The following LRRC74A variants were observed in gnomAD, a reference collection of about 807,000 sequenced individuals.
LRRC74A encodes the protein leucine rich repeat containing 74A.
Under a neutral mutation model 57.9 loss-of-function variants are expected in LRRC74A, and 44 were observed. The observed-to-expected ratio is 0.76, with a 90% CI of 0.60 to 0.98. The LOEUF is 0.98. LRRC74A is among the 50% of genes least tolerant of loss of function. The pLI is 0.00. For synonymous variants in LRRC74A, 211 were observed against 219.4 expected (o/e 0.96, Z 0.34); for missense variants, 572 against 574.0 (o/e 1.00, Z 0.04).
At chr14:76,869,915 C>T (rs1462082330) in intron 13 of LRRC74A, among the ~76,000 whole-genome samples, 4 of 152,152 alleles carry the variant, frequency 2.6e-5, no homozygotes, top group Non-Finnish European at 5.9e-5. Flanking sequence ...GCATGCCTTT[C>T]CCACATACTT....
At chr14:76,845,775 C>A (rs1897081135) in intron 7 of LRRC74A, among the ~76,000 whole-genome samples, 1 of 152,262 alleles carries the variant, frequency 6.6e-6, no homozygotes, top group Admixed American at 6.5e-5. Context: ...AGTCCCAGCA[C>A]TTCGGGAGGC....
Position 76,844,918 on chromosome 14 carries a change from GA to G in LRRC74A, c.676+19del. 1 of 1,364,690 alleles carries G rather than the reference GA, an allele frequency of 7.3e-7. No individual in the cohort carries two copies. The highest frequency in any genetic ancestry group is 1.0e-6 in the Non-Finnish European group (1 of 953,700). The allele number at this position is 1,364,690 out of a possible 1,614,324, so 84.5% of individuals were successfully genotyped here. A position where few individuals can be genotyped will look rare whatever the true frequency, so the allele number is the denominator to read the frequency against. On this transcript the variant is annotated intron_variant, in intron 7 of 13. Coordinates refer to ENST00000689127, the MANE Select transcript of LRRC74A (RefSeq NM_001385106.1). The stretch of plus-strand genomic sequence containing the variant: ...AGATGCTGGGTGAGTCTCCCTGGAG[GA>G]AGGGACAGCAAAGGGGAGGGATAGG...
rs370927810 is a variant in LRRC74A, at chr14:76,867,366, T to C, written c.1319T>C (p.Val440Ala). 77 of 1,566,586 alleles carry C rather than the reference T, an allele frequency of 4.9e-5. No homozygotes were observed. Among genetic ancestry groups the C allele is most frequent in the Non-Finnish European group, 6.5e-5 (74 of 1,139,046 alleles). ...FQKVMIEQNK[V>A]PLNQYQVREV... ...CATCCACCTCCTCAGCAAAACAAGG[T>C]CCCCCTGAACCAGTACCAGGTCAGG... Residue 440 changes from valine to alanine, a missense_variant, in exon 13 of 14, where the codon GTC becomes GCC. Transcript: ENST00000689127.
chr14:76,840,694 C>G (rs1024720810), intron 5 of LRRC74A, among the ~76,000 whole-genome samples: 2 of 151,622 alleles, frequency 1.3e-5, no homozygotes, highest in African/African-American at 2.4e-5. Context: ...CACCATTCTC[C>G]TGCCTCAGCC....
chr14:76,830,629 C>T (rs554946224), intron 2 of LRRC74A, among the ~76,000 whole-genome samples: 34 of 152,352 alleles, frequency 2.2e-4, no homozygotes, highest in African/African-American at 7.9e-4. Flanking sequence ...GCTTGTTTCT[C>T]GCTGATGTGG....
intron 6 of LRRC74A, 121 bp downstream of exon 6, chr14:76,844,593 G>A (rs749693318): frequency 5.1e-5 from 53 of 1,044,418 alleles, no homozygotes; most frequent in Non-Finnish European, 7.0e-5. Context: ...ACTGGGGAGT[G>A]TTTAGACCCT....
chr14:76,853,069 G>A, intron 8 of LRRC74A, 147 bp from the exon 9 acceptor site: 1 of 697,352 alleles, frequency 1.4e-6, no homozygotes, highest in Non-Finnish European at 2.5e-6. Context: ...CCAGCTGGGA[G>A]CTCTGAATGA....
chr14:76,842,781 C>T (rs1016545795), intron 5 of LRRC74A, among the ~76,000 whole-genome samples: 5 of 152,082 alleles, frequency 3.3e-5, no homozygotes, highest in Non-Finnish European at 5.9e-5. Context: ...GAATAAGGCT[C>T]TATGTCATGT....
At chr14:76,829,906 C>T (rs1276416772) in intron 2 of LRRC74A, among the ~76,000 whole-genome samples, 1 of 152,146 alleles carries the variant, frequency 6.6e-6, no homozygotes, top group Non-Finnish European at 1.5e-5. Flanking sequence ...CTGGTTTGCT[C>T]ACTTGCCATG....
chr14:76,836,113 C>A, intron 3 of LRRC74A, 94 bp from the exon 4 acceptor site: 1 of 872,804 alleles, frequency 1.1e-6, no homozygotes, highest in Non-Finnish European at 1.8e-6. Flanking sequence ...TGCATCTCCA[C>A]GCCCATTCAC....
chr14:76,831,494 G>A lies in LRRC74A; in HGVS notation c.339+119G>A, dbSNP rs113592158. ...CTAAACCCACACTTTATGCCCTTAT[G>A]CCACACTGCCCTGGGCTCTGCTTGG... On this transcript the variant is annotated intron_variant, in intron 3 of 13. Coordinates refer to ENST00000689127, the MANE Select transcript of LRRC74A (RefSeq NM_001385106.1). The A allele has an allele frequency of 8.5e-4, 913 of 1,078,670 alleles. 6 individuals carry two copies. The African/African-American group carries it at 0.013, about 15-fold the overall frequency. The allele number at this position is 1,078,670 out of a possible 1,614,324, so 66.8% of individuals were successfully genotyped here.
At chr14:76,835,605 C>T (rs1282969365) in intron 3 of LRRC74A, among the ~76,000 whole-genome samples, 1 of 152,006 alleles carries the variant, frequency 6.6e-6, no homozygotes, top group Non-Finnish European at 1.5e-5. Context: ...AGTACCAGAG[C>T]GAGGTGTGGT....
chr14:76,865,972 A>G lies in LRRC74A; in HGVS notation c.1205A>G (p.Tyr402Cys), dbSNP rs755318785. 6 of 1,580,830 alleles carry G rather than the reference A, an allele frequency of 3.8e-6. No individual in the cohort carries two copies. Among genetic ancestry groups the G allele is most frequent in the Non-Finnish European group, 5.2e-6 (6 of 1,152,352 alleles). ...GGTCTCTCCTGCTTCTCTCAGAGCT[A>G]TGCAGACCAACACAAAATCACGATC... ...LTNPMKLIQS[Y>C]ADQHKITIVD... Residue 402 changes from tyrosine (Y) to cysteine (C), a missense_variant, in exon 12 of 14, where the codon TAT (tyrosine) becomes TGT (cysteine). Transcript: ENST00000689127.
intron 12 of LRRC74A, among the ~76,000 whole-genome samples, 174 bp from the exon 13 acceptor site, chr14:76,867,160 GTGGGGTGTGTGGTAGTGTGTGT>G (rs1898953915): frequency 1.7e-4 from 1 of 5,896 alleles, no homozygotes; most frequent in African/African-American, 5.1e-4. Flanking sequence ...TGTGTTGGGG[GTGGGGTGTGTGGTAGTGTGTGT>G]GGGGGAGTGT....
chr14:76,853,858 T>C (rs1273034361), intron 9 of LRRC74A, among the ~76,000 whole-genome samples: 1 of 152,124 alleles, frequency 6.6e-6, no homozygotes, highest in East Asian at 1.9e-4. Flanking sequence ...GTTCAAACCA[T>C]CCTCCCACCT....
At chr14:76,844,015 T>A (rs902610263) in intron 5 of LRRC74A, among the ~76,000 whole-genome samples, 64 of 151,874 alleles carry the variant, frequency 4.2e-4, no homozygotes, top group Non-Finnish European at 6.2e-4. Flanking sequence ...TTTCTTTTTT[T>A]AAAAACAGGA....
At chr14:76,865,550 A>T (rs1898711584) in intron 11 of LRRC74A, among the ~76,000 whole-genome samples, 2 of 152,200 alleles carry the variant, frequency 1.3e-5, no homozygotes, top group South Asian at 4.1e-4. Flanking sequence ...ATCTCTGAAC[A>T]TCCGCGCGCC....
chr14:76,860,830 A>T lies in LRRC74A; in HGVS notation c.1191A>T (p.Lys397Asn). ...KTIFLLTNPM[K>N]LIQSYADQHK... The stretch of plus-strand genomic sequence containing the variant: ...TCTTCTTGTTGACAAACCCCATGAA[A>T]CTGATCCAGGTGAGCTCCTGCCTTC... Residue 397 changes from lysine to asparagine, a missense_variant, in exon 11 of 14, where the codon AAA (lysine) becomes AAT (asparagine). Coordinates refer to ENST00000689127, the MANE Select transcript of LRRC74A (RefSeq NM_001385106.1). 6.2e-7 allele frequency: 1 copy of T among 1,605,120 alleles called. No individual in the cohort carries two copies. The highest frequency in any genetic ancestry group is 8.5e-7 in the Non-Finnish European group (1 of 1,174,628).
At chr14:76,842,617 G>A (rs1042086718) in intron 5 of LRRC74A, among the ~76,000 whole-genome samples, 5 of 152,092 alleles carry the variant, frequency 3.3e-5, no homozygotes, top group African/African-American at 1.2e-4. Flanking sequence ...TTATTGCACT[G>A]CTAACAGACA....
Sources: allele counts gnomAD v4.1 joint callset (sites outside exome capture counted in the v4.1 genomes callset), GRCh38; gene constraint gnomAD v4.1.1; transcripts MANE v1.5; gene names NCBI Gene and HGNC (gene_info 2026-07-23, HGNC 2026-07-21).